The following MROH1 variants were observed in gnomAD, a reference collection of about 807,000 sequenced individuals.
The protein encoded by MROH1 is maestro heat-like repeat-containing protein family member 1.
A neutral mutation model predicts 116.5 loss-of-function variants in MROH1; 117 were observed. The observed-to-expected ratio is 1.00, with a 90% confidence interval of 0.86 to 1.17. The LOEUF (loss-of-function observed/expected upper bound fraction) is 1.17. Ranked by LOEUF, MROH1 falls within the 50% of genes most tolerant of loss-of-function variation. The probability of loss-of-function intolerance (pLI) is 0.00; values close to 1 mark genes in which losing one functional copy is unlikely to be tolerated. For missense variants in MROH1, 1,873 were observed against 1,338.5 expected (o/e 1.40, Z -6.23); for synonymous variants, 921 against 583.9 (o/e 1.58, Z -8.32).
chr8:144,159,808 C>T (rs1819065763), intron 1 of MROH1, among the ~76,000 whole-genome samples: 1 of 139,810 alleles, frequency 7.2e-6, no homozygotes, highest in Admixed American at 7.9e-5. Context: ...CGCTTTGTCG[C>T]CCAGGCTGGA....
rs535594262 is a variant in MROH1, at chr8:144,221,348, T to C, written c.1215+675T>C. Among the ~76,000 whole-genome samples, 4 of 152,238 alleles carry C rather than the reference T, an allele frequency of 2.6e-5. No homozygotes were observed. In the Middle Eastern group the frequency reaches 0.01, roughly 388 times the overall value. ...TCTTACCAGGCCAGATGTTTGGGGC[T>C]TAGTGATGACCTCCCAGGACCCCAG... On this transcript the variant is annotated intron_variant, in intron 13 of 43. Transcript: ENST00000326134.
chr8:144,176,181 A>G (rs184565639), intron 4 of MROH1, among the ~76,000 whole-genome samples: 1 of 152,250 alleles, frequency 6.6e-6, no homozygotes, highest in East Asian at 1.9e-4. Context: ...TGCCTGGCCA[A>G]CGTGGCGAAA....
In MROH1 at chr8:144,240,455, C is replaced by T. The variant is rs924004385; in HGVS notation, c.1828-115C>T. The stretch of plus-strand genomic sequence containing the variant: ...GGTTGGCTCTGCCGCCCCCGGCCTC[C>T]GCTGGAAGGCGGTCTGCAGCCCCTG... On this transcript the variant is annotated intron_variant, in intron 19 of 43. Coordinates refer to ENST00000326134, the MANE Select transcript of MROH1 (RefSeq NM_032450.3). The T allele has an allele frequency of 2.6e-5, 18 of 700,080 alleles. No homozygotes were observed. The East Asian group carries it at 2.7e-4, about 10-fold the overall frequency. The allele number at this position is 700,080 out of a possible 1,614,324, so 43.4% of individuals were successfully genotyped here. A position where few individuals can be genotyped will look rare whatever the true frequency, so the allele number is the denominator to read the frequency against.
At position 144,179,346 on chromosome 8, in the gene MROH1, T is replaced by G. The variant is rs376639680; in HGVS notation, c.169-109T>G. ...AGGTGTACCCCTCCCCTCCTGCACTTGAGGCAGAGAGATTTGTGCGGTTTC... is the reference window on the plus strand; with the variant it reads ...AGGTGTACCCCTCCCCTCCTGCACTGGAGGCAGAGAGATTTGTGCGGTTTC... On this transcript the variant is annotated intron_variant, in intron 4 of 43. Coordinates refer to ENST00000326134, the MANE Select transcript of MROH1 (RefSeq NM_032450.3). The G allele has an allele frequency of 1.3e-5, 20 of 1,487,524 alleles. No individual in the cohort carries two copies. The African/African-American group carries it at 1.5e-4, about 11-fold the overall frequency. The allele number at this position is 1,487,524 out of a possible 1,614,324, so 92.1% of individuals were successfully genotyped here.
At chr8:144,191,055 A>T in intron 8 of MROH1, 120 bp downstream of exon 8, 1 of 1,094,944 alleles carries the variant, frequency 9.1e-7, no homozygotes, top group Non-Finnish European at 1.3e-6. Flanking sequence ...AGAGGTGCCC[A>T]ATGGGAGGTG....
intron 1 of MROH1, among the ~76,000 whole-genome samples, chr8:144,157,691 T>C: frequency 6.7e-6 from 1 of 148,540 alleles, no homozygotes; most frequent in Non-Finnish European, 1.5e-5. Flanking sequence ...TTTTTTTTTT[T>C]TTTTTTGAGA....
chr8:144,180,625 C>G lies in MROH1; in HGVS notation c.562+102C>G. 2 of 1,113,482 alleles carry G rather than the reference C, an allele frequency of 1.8e-6. No homozygotes were observed. The highest frequency in any genetic ancestry group is 2.5e-6 in the Non-Finnish European group (2 of 800,614). 69.0% of individuals were successfully genotyped at this position (1,113,482 alleles called of 1,614,324 possible). A position where few individuals can be genotyped will look rare whatever the true frequency, so the allele number is the denominator to read the frequency against. On this transcript the variant is annotated intron_variant, in intron 7 of 43. Transcript: ENST00000326134. The surrounding 1 kb of genome is among the most constrained non-coding windows in gnomAD (Gnocchi z 7.4). The stretch of plus-strand genomic sequence containing the variant: ...GGGGACAGGTGGGCACTTTAGGCTG[C>G]AGGAAGGGGGGCTGTTGGAGGGAGG...
intron 12 of MROH1, among the ~76,000 whole-genome samples, chr8:144,219,554 G>A (rs147519922): frequency 9.5e-4 from 145 of 152,288 alleles, no homozygotes; most frequent in African/African-American, 3.4e-3. Context: ...TATGTCTCAT[G>A]GTTAGATCTG....
chr8:144,210,680 CTCTG>C (rs1448152520), intron 12 of MROH1, among the ~76,000 whole-genome samples: 2 of 34,668 alleles, frequency 5.8e-5, no homozygotes, highest in Non-Finnish European at 1.9e-4. Flanking sequence ...CAGATGGAGA[CTCTG>C]TCTCTCTCTC....
At chr8:144,254,381 G>A (rs1419346152) in intron 33 of MROH1, 145 of 163,302 alleles carry the variant, frequency 8.9e-4, no homozygotes, top group Non-Finnish European at 2.1e-4. Context: ...AACGCTGAGC[G>A]TAGCTGCCTC....
chr8:144,178,308 T>C (rs990576185), intron 4 of MROH1, among the ~76,000 whole-genome samples: 1 of 152,140 alleles, frequency 6.6e-6, no homozygotes, highest in Non-Finnish European at 1.5e-5. Flanking sequence ...ATTTTTGTAT[T>C]TTTAGTAGAG....
At chr8:144,159,070 A>G (rs1180580401) in intron 1 of MROH1, among the ~76,000 whole-genome samples, 1 of 152,100 alleles carries the variant, frequency 6.6e-6, no homozygotes, top group Non-Finnish European at 1.5e-5. Context: ...TCTAACAGAG[A>G]CAGAGGGCCG....
At chr8:144,231,449 A>G (rs1838869927) in intron 14 of MROH1, among the ~76,000 whole-genome samples, 2 of 152,142 alleles carry the variant, frequency 1.3e-5, no homozygotes, top group Admixed American at 1.3e-4. Context: ...TCTCACATGA[A>G]CACATAGAGG....
In MROH1 at chr8:144,234,498, G is replaced by GTTTTTGTTTTTTTTTTTT. The variant is rs1839621583; in HGVS notation, c.1339-4253_1339-4252insGTTTTTTTTTTTTTTTTT. Among the ~76,000 whole-genome samples, 30 of 18,104 alleles carry GTTTTTGTTTTTTTTTTTT rather than the reference G, an allele frequency of 1.7e-3. 4 individuals carry two copies. Among genetic ancestry groups the GTTTTTGTTTTTTTTTTTT allele is most frequent in the Non-Finnish European group, 3.2e-3 (26 of 8,120 alleles). 11.9% of individuals were successfully genotyped at this position (18,104 alleles called of 152,430 possible). A position where few individuals can be genotyped will look rare whatever the true frequency, so the allele number is the denominator to read the frequency against. On this transcript the variant is annotated intron_variant, in intron 14 of 43. Transcript: ENST00000326134. ...AATGGAATTATTTTCTTTCTTTTTC[G>GTTTTTGTTTTTTTTTTTT]TTTTTTTTTTTTTTTTTTTTTTTTT...
At chr8:144,244,158 G>A in intron 26 of MROH1, 64 bp from the exon 27 acceptor site, 1 of 710,478 alleles carries the variant, frequency 1.4e-6, no homozygotes. Flanking sequence ...CAGGCCTGGA[G>A]GTTACTGGGT....
chr8:144,224,140 T>G (rs1837349077), intron 14 of MROH1, among the ~76,000 whole-genome samples: 1 of 152,198 alleles, frequency 6.6e-6, no homozygotes, highest in South Asian at 2.1e-4. Flanking sequence ...AGTCTTTCAG[T>G]TCCCAAGAGT....
At chr8:144,208,913 A>G (rs1314331155) in intron 12 of MROH1, among the ~76,000 whole-genome samples, 1 of 151,880 alleles carries the variant, frequency 6.6e-6, no homozygotes, top group East Asian at 1.9e-4. Flanking sequence ...TAGTAGAGAC[A>G]GGGTTTCACT....
chr8:144,150,463 G>A (rs894027409), intron 1 of MROH1, among the ~76,000 whole-genome samples: 9 of 152,218 alleles, frequency 5.9e-5, no homozygotes, highest in African/African-American at 2.2e-4. Flanking sequence ...ATGTGGAAAA[G>A]TGGATGTTTA....
At position 144,261,767 on chromosome 8, in the gene MROH1, A is replaced by T. The variant is rs1181968492; in HGVS notation, c.*27A>T. On this transcript the variant is annotated 3_prime_UTR_variant, in exon 44 of 44. Coordinates refer to ENST00000326134, the MANE Select transcript of MROH1 (RefSeq NM_032450.3). ...GCTCCGGCCAGCACCCCCAGCGAGGAGTATGCACCCAGACCTGTGCCTGAG... is the reference window on the plus strand; with the variant it reads ...GCTCCGGCCAGCACCCCCAGCGAGGTGTATGCACCCAGACCTGTGCCTGAG... 7.1e-6 allele frequency: 5 copies of T among 703,290 alleles called. No individual in the cohort carries two copies. The African/African-American group carries it at 8.7e-5, about 12-fold the overall frequency. 43.6% of individuals were successfully genotyped at this position (703,290 alleles called of 1,614,324 possible). A position where few individuals can be genotyped will look rare whatever the true frequency, so the allele number is the denominator to read the frequency against.
Sources: allele counts gnomAD v4.1 joint callset (sites outside exome capture counted in the v4.1 genomes callset), GRCh38; gene constraint gnomAD v4.1.1; non-coding constraint Gnocchi (gnomAD v3.1); transcripts MANE v1.5; gene names NCBI Gene and HGNC (gene_info 2026-07-23, HGNC 2026-07-21).